The following DNM3 variants were observed in gnomAD, a reference collection of about 807,000 sequenced individuals.
The protein encoded by DNM3 is dynamin 3, also known as dynamin-3.
A neutral mutation model predicts 101.6 loss-of-function variants in DNM3; 47 were observed. The ratio of observed to expected loss-of-function variants is 0.46; its 90% confidence interval spans 0.37 to 0.59. The LOEUF is 0.59. Ranked by LOEUF, DNM3 falls within the 20% of genes least tolerant of loss-of-function variation. The pLI is 0.00. For synonymous variants in DNM3, 385 were observed against 387.9 expected (o/e 0.99, Z 0.09); for missense variants, 849 against 1,085.7 (o/e 0.78, Z 3.06).
chr1:171,848,108 T>A (rs1245882582), intron 1 of DNM3, among the ~76,000 whole-genome samples: 1 of 152,168 alleles, frequency 6.6e-6, no homozygotes, highest in Admixed American at 6.6e-5. Flanking sequence ...GTTTGGAACT[T>A]AATGTTAGGA....
At chr1:171,856,554 A>G (rs1333930026) in intron 1 of DNM3, among the ~76,000 whole-genome samples, 1 of 152,124 alleles carries the variant, frequency 6.6e-6, no homozygotes, top group African/African-American at 2.4e-5. Flanking sequence ...TTCTTTGAGC[A>G]GTATTTTGTA....
chr1:172,323,242 G>T (rs2065799889), intron 16 of DNM3, 87 bp from the exon 17 acceptor site: 2 of 1,352,226 alleles, frequency 1.5e-6, no homozygotes, highest in African/African-American at 1.5e-5. Flanking sequence ...AATATCCAGA[G>T]AAAGTAGAAG....
At chr1:172,323,992 T>G (rs1473081498) in intron 17 of DNM3, among the ~76,000 whole-genome samples, 1 of 152,146 alleles carries the variant, frequency 6.6e-6, no homozygotes, top group Non-Finnish European at 1.5e-5. Context: ...ATGGTGGAAA[T>G]TATTTTAATG....
Position 172,005,630 on chromosome 1 carries a change from T to C in DNM3, c.589+16482T>C, listed in dbSNP as rs559105650. ...AAAGCAGCCGTGTTACCTACACAAT[T>C]GTGTGTGTGTGCGCACTGGTTGTTT... On this transcript the variant is annotated intron_variant, in intron 4 of 20. Coordinates refer to ENST00000627582, the MANE Select transcript of DNM3 (RefSeq NM_015569.5). 2.0e-5 allele frequency among the ~76,000 whole-genome samples: 3 copies of C among 152,110 alleles called. No homozygotes were observed. In the East Asian group the frequency reaches 5.8e-4, roughly 29 times the overall value.
intron 14 of DNM3, among the ~76,000 whole-genome samples, chr1:172,201,699 C>T (rs1310377052): frequency 6.6e-6 from 1 of 152,186 alleles, no homozygotes; most frequent in African/African-American, 2.4e-5. Context: ...AGGGCAGTTC[C>T]ACTGCAAAGG....
chr1:172,049,869 G>A (rs985244641), intron 10 of DNM3, among the ~76,000 whole-genome samples: 2 of 152,144 alleles, frequency 1.3e-5, no homozygotes, highest in African/African-American at 4.8e-5. Flanking sequence ...GTAAAGAACA[G>A]ATGTACATAG....
At chr1:172,037,975 A>G (rs1207765229) in intron 6 of DNM3, among the ~76,000 whole-genome samples, 3 of 152,162 alleles carry the variant, frequency 2.0e-5, no homozygotes, top group Admixed American at 6.6e-5. Context: ...GTTCCTTTCT[A>G]CAAGGTAGGA....
intron 2 of DNM3, among the ~76,000 whole-genome samples, chr1:171,956,627 C>A (rs191792434): frequency 1.3e-3 from 204 of 152,160 alleles, no homozygotes; most frequent in African/African-American, 4.8e-3. Flanking sequence ...GGATGGTGAC[C>A]CTCTTCTCAC....
At chr1:172,145,399 GCT>G (rs933426032) in intron 14 of DNM3, among the ~76,000 whole-genome samples, 6 of 98,122 alleles carry the variant, frequency 6.1e-5, no homozygotes, top group African/African-American at 2.0e-4. Context: ...CTTCCCTCCC[GCT>G]CTCTCTCTCT....
At chr1:172,320,370 C>T (rs2065646390) in intron 16 of DNM3, among the ~76,000 whole-genome samples, 1 of 142,930 alleles carries the variant, frequency 7.0e-6, no homozygotes, top group East Asian at 2.0e-4. Flanking sequence ...TACCCTAAAT[C>T]TTAAAGTATA....
intron 2 of DNM3, among the ~76,000 whole-genome samples, chr1:171,978,637 A>G (rs1319740285): frequency 6.6e-6 from 1 of 152,226 alleles, no homozygotes; most frequent in African/African-American, 2.4e-5. Context: ...GGGGAGAAGC[A>G]TGATGTGATG....
intron 14 of DNM3, among the ~76,000 whole-genome samples, chr1:172,164,259 A>G (rs2058669224): frequency 8.9e-6 from 1 of 112,990 alleles, no homozygotes; most frequent in Non-Finnish European, 1.7e-5. Context: ...AGGCCTTACT[A>G]TGAACCAAAA....
chr1:172,009,595 G>A (rs1057231459), intron 4 of DNM3, among the ~76,000 whole-genome samples: 7 of 151,706 alleles, frequency 4.6e-5, no homozygotes, highest in Non-Finnish European at 7.4e-5. Flanking sequence ...TCAATGTCTT[G>A]GAAAAGTCAA....
At chr1:171,903,763 A>G (rs937436598) in intron 1 of DNM3, among the ~76,000 whole-genome samples, 2 of 152,188 alleles carry the variant, frequency 1.3e-5, no homozygotes, top group African/African-American at 4.8e-5. Context: ...CTCCTGAAAA[A>G]GGGGGCTTAA....
chr1:172,288,515 G>C (rs184286062), intron 15 of DNM3, among the ~76,000 whole-genome samples: 3 of 152,296 alleles, frequency 2.0e-5, no homozygotes, highest in Admixed American at 2.0e-4. Context: ...GGTTCAGTTT[G>C]GCTGCAGAAT....
chr1:172,239,474 A>G (rs1436222139), intron 14 of DNM3, among the ~76,000 whole-genome samples: 1 of 152,170 alleles, frequency 6.6e-6, no homozygotes, highest in Non-Finnish European at 1.5e-5. Context: ...TATCACCTCC[A>G]TACAGGGAGA....
At chr1:172,348,508 T>C (rs2067050632) in intron 17 of DNM3, among the ~76,000 whole-genome samples, 1 of 152,198 alleles carries the variant, frequency 6.6e-6, no homozygotes, top group Non-Finnish European at 1.5e-5. Flanking sequence ...AGGATTCAGA[T>C]CCATATCTTC....
chr1:172,182,447 A>G (rs1046706721), intron 14 of DNM3, among the ~76,000 whole-genome samples: 1 of 152,130 alleles, frequency 6.6e-6, no homozygotes. Flanking sequence ...AAGTAATAAA[A>G]CACACTTTTT....
intron 20 of DNM3, among the ~76,000 whole-genome samples, chr1:172,407,433 T>A (rs979257868): frequency 3.3e-5 from 5 of 152,070 alleles, no homozygotes; most frequent in African/African-American, 1.2e-4. Context: ...TATACCTTAT[T>A]AGTTCCTGAG....
Sources: allele counts gnomAD v4.1 joint callset (sites outside exome capture counted in the v4.1 genomes callset), GRCh38; gene constraint gnomAD v4.1.1; transcripts MANE v1.5; gene names NCBI Gene and HGNC (gene_info 2026-07-23, HGNC 2026-07-21).